CAMK2D: variants seen among roughly 807,000 people sequenced by gnomAD.
CAMK2D encodes calcium/calmodulin-dependent protein kinase type II subunit delta.
CAMK2D carries 37 observed loss-of-function variants against 84.0 expected under a neutral mutation model. The observed-to-expected ratio is 0.44, with a 90% CI of 0.34 to 0.58. The LOEUF is 0.58. CAMK2D is among the 20% of genes least tolerant of loss of function. CAMK2D has a pLI of 0.02. For missense variants in CAMK2D, 448 were observed against 652.5 expected (o/e 0.69, Z 3.41); for synonymous variants, 202 against 212.5 (o/e 0.95, Z 0.43).
At chr4:113,513,015 T>G in intron 12 of CAMK2D, 1 of 165,652 alleles carries the variant, frequency 6.0e-6, no homozygotes, top group East Asian at 1.9e-4. Flanking sequence ...TGAGGGAGTA[T>G]TTATTTCCAC....
At chr4:113,627,973 T>C (rs1182871000) in intron 3 of CAMK2D, among the ~76,000 whole-genome samples, 1 of 152,210 alleles carries the variant, frequency 6.6e-6, no homozygotes, top group Non-Finnish European at 1.5e-5. Context: ...GAAGATCAAC[T>C]GTATTTATTT....
intron 2 of CAMK2D, among the ~76,000 whole-genome samples, chr4:113,684,896 T>A (rs1249754167): frequency 6.6e-6 from 1 of 152,210 alleles, no homozygotes; most frequent in Non-Finnish European, 1.5e-5. Context: ...AGCTCCACTC[T>A]GTCCCACTGG....
intron 16 of CAMK2D, among the ~76,000 whole-genome samples, chr4:113,476,769 T>C (rs2097629820): frequency 6.6e-6 from 1 of 152,196 alleles, no homozygotes; most frequent in Non-Finnish European, 1.5e-5. Context: ...ACATTACTAA[T>C]GTAAAACCTA....
intron 3 of CAMK2D, among the ~76,000 whole-genome samples, chr4:113,659,632 C>G (rs927667983): frequency 2.6e-5 from 4 of 152,182 alleles, no homozygotes. Flanking sequence ...AGAAACCAAA[C>G]CTGACAACAC....
chr4:113,611,451 A>T lies in CAMK2D; in HGVS notation c.221-2245T>A, dbSNP rs147650730. 6.2e-3 allele frequency among the ~76,000 whole-genome samples: 938 copies of T among 152,306 alleles called. 7 individuals are homozygous for T. Among genetic ancestry groups the T allele is most frequent in the Non-Finnish European group, 0.01 (713 of 68,024 alleles). ...TTCCCATGTTATCAAAGTTAAACTG[A>T]AAAGTAAAGTCTACAATCTGACCAG... On this transcript the variant is annotated intron_variant, in intron 3 of 20. Transcript: ENST00000511664.
intron 2 of CAMK2D, among the ~76,000 whole-genome samples, chr4:113,674,021 A>T (rs956139416): frequency 7.6e-6 from 1 of 132,262 alleles, no homozygotes; most frequent in East Asian, 2.3e-4. Flanking sequence ...TAACAAATAT[A>T]TAACCATCTA....
intron 2 of CAMK2D, among the ~76,000 whole-genome samples, chr4:113,677,115 C>T (rs2099321751): frequency 6.6e-6 from 1 of 152,174 alleles, no homozygotes; most frequent in Admixed American, 6.6e-5. Context: ...GCTCCTCTGT[C>T]TGATTTATGT....
chr4:113,748,395 A>C (rs72903605), intron 2 of CAMK2D, among the ~76,000 whole-genome samples: 2,380 of 152,270 alleles, frequency 0.016, 69 homozygotes, highest in African/African-American at 0.054. Flanking sequence ...CAAAATTTAC[A>C]GGAAGTAATT....
In CAMK2D at chr4:113,632,656, G is replaced by A. The variant is rs571456628; in HGVS notation, c.221-23450C>T. 7.2e-5 allele frequency among the ~76,000 whole-genome samples: 11 copies of A among 152,186 alleles called. No homozygotes were observed. The East Asian group carries it at 1.7e-3, about 24-fold the overall frequency. On this transcript the variant is annotated intron_variant, in intron 3 of 20. Coordinates refer to ENST00000511664, the MANE Select transcript of CAMK2D (RefSeq NM_001321571.2). Reference sequence around the variant, plus strand: ...AGAAAAAAATCAAAGGAGGCAGAGAGAGCTAATAATATTCATATGACCTGT... The same window carrying A: ...AGAAAAAAATCAAAGGAGGCAGAGAAAGCTAATAATATTCATATGACCTGT...
At chr4:113,709,249 T>C (rs2099478102) in intron 2 of CAMK2D, among the ~76,000 whole-genome samples, 1 of 152,144 alleles carries the variant, frequency 6.6e-6, no homozygotes, top group Admixed American at 6.5e-5. Context: ...TGCAGAGAAA[T>C]TTTACTTGTA....
At chr4:113,500,643 G>A in intron 15 of CAMK2D, 132 bp from the exon 16 acceptor site, 3 of 523,234 alleles carry the variant, frequency 5.7e-6, no homozygotes, top group Middle Eastern at 2.9e-4. Context: ...ACATGCAAAT[G>A]GACAAACACA....
chr4:113,709,884 C>T (rs573107722), intron 2 of CAMK2D, among the ~76,000 whole-genome samples: 22 of 148,528 alleles, frequency 1.5e-4, no homozygotes, highest in African/African-American at 3.0e-4. Flanking sequence ...TTTAGAATGG[C>T]ATTTATTTTT....
intron 2 of CAMK2D, among the ~76,000 whole-genome samples, chr4:113,713,592 T>C (rs61312236): frequency 0.053 from 7,975 of 149,840 alleles, 716 homozygotes; most frequent in African/African-American, 0.18. Context: ...GCCAATCTAA[T>C]GGATGTGACC....
chr4:113,639,126 C>A (rs892219358), intron 3 of CAMK2D, among the ~76,000 whole-genome samples: 24 of 151,038 alleles, frequency 1.6e-4, no homozygotes, highest in African/African-American at 5.1e-4. Context: ...GCACCTGTAG[C>A]CCCAGCTTCT....
At chr4:113,679,006 A>G (rs2099329639) in intron 2 of CAMK2D, among the ~76,000 whole-genome samples, 1 of 152,176 alleles carries the variant, frequency 6.6e-6, no homozygotes, top group African/African-American at 2.4e-5. Context: ...GATTTCTAAT[A>G]GCAGAAATTT....
chr4:113,730,417 G>T (rs2099563249), intron 2 of CAMK2D, among the ~76,000 whole-genome samples: 1 of 152,012 alleles, frequency 6.6e-6, no homozygotes, highest in African/African-American at 2.4e-5. Context: ...TAGCAGAAAG[G>T]TTTTCCTGTA....
At chr4:113,525,668 G>GT (rs2098411387) in intron 8 of CAMK2D, among the ~76,000 whole-genome samples, 2 of 152,256 alleles carry the variant, frequency 1.3e-5, no homozygotes, top group Non-Finnish European at 2.9e-5. Context: ...GTACAGGCTT[G>GT]TTTTAGTCAT....
At chr4:113,590,555 G>A (rs922871096) in intron 4 of CAMK2D, among the ~76,000 whole-genome samples, 1 of 152,082 alleles carries the variant, frequency 6.6e-6, no homozygotes, top group Non-Finnish European at 1.5e-5. Context: ...CACTACACGA[G>A]AACAGCAAAG....
chr4:113,611,179 G>C (rs1477657546), intron 3 of CAMK2D, among the ~76,000 whole-genome samples: 1 of 152,068 alleles, frequency 6.6e-6, no homozygotes, highest in Non-Finnish European at 1.5e-5. Flanking sequence ...AGAGATGCCT[G>C]CTAGCCTTGC....
Sources: allele counts gnomAD v4.1 joint callset (sites outside exome capture counted in the v4.1 genomes callset), GRCh38; gene constraint gnomAD v4.1.1; transcripts MANE v1.5; gene names NCBI Gene and HGNC (gene_info 2026-07-23, HGNC 2026-07-21).